The following PATZ1 variants were observed in gnomAD, a reference collection of about 807,000 sequenced individuals.
PATZ1 encodes the protein POZ-, AT hook-, and zinc finger-containing protein 1.
In PATZ1, 9 loss-of-function variants were observed where a neutral mutation model predicts 46.2. That is an observed-to-expected ratio of 0.19 (90% confidence interval 0.12 to 0.34). The LOEUF (loss-of-function observed/expected upper bound fraction) is 0.34. Ranked by LOEUF, PATZ1 falls within the 10% of genes least tolerant of loss-of-function variation. The pLI, the probability that PATZ1 is intolerant of heterozygous loss-of-function variation, is 1.00. For synonymous variants in PATZ1, 426 were observed against 378.6 expected, an observed-to-expected ratio of 1.13 and a Z score of -1.45; for missense variants, 632 against 923.0, an observed-to-expected ratio of 0.68 and a Z score of 4.08.
In PATZ1 at chr22:31,344,601, A is replaced by T. The variant is rs762905449; in HGVS notation, c.1002T>A (p.Asn334Lys). The change falls in exon 1 of 5, where the codon AAT becomes AAA. Residue 334 changes from asparagine (N) to lysine (K), a missense_variant. Physicochemically the swap from Asn to Lys is moderately conservative, Grantham distance 94 (BLOSUM62 0). Coordinates refer to ENST00000266269, the MANE Select transcript of PATZ1 (RefSeq NM_014323.3). The stretch of plus-strand genomic sequence containing the variant: ...CGGGGTCTTCAGAGATGGGTAGCCC[A>T]TTCTCACCCAGCCTCGGAGGAGGAA... ...IDLPPPRLGE[N>K]GLPISEDPDG... 115 of 1,613,980 alleles carry T rather than the reference A, an allele frequency of 7.1e-5. No homozygotes were observed. The highest frequency in any genetic ancestry group is 9.6e-5 in the Non-Finnish European group (113 of 1,180,040).
chr22:31,328,900 T>G lies in PATZ1; in HGVS notation c.1532A>C (p.Lys511Thr). ...NRGFSSASYL[K>T]VHVKTHHGVP... ...ACCGTGGTGGGTTTTAACATGGACCTTTAAGTAGGAGGCAGAGGAGAAACC... is the reference window on the plus strand; with the variant it reads ...ACCGTGGTGGGTTTTAACATGGACCGTTAAGTAGGAGGCAGAGGAGAAACC... Residue 511 changes from lysine to threonine, a missense_variant, in exon 4 of 5, where the codon AAG (lysine) becomes ACG (threonine). Lys to Thr is a moderately conservative substitution (Grantham distance 78). Transcript: ENST00000266269. This position sits in a 1 kb window ranked among gnomAD's most constrained non-coding sequence, Gnocchi z 4.8. 1 of 1,614,022 alleles carries G rather than the reference T, an allele frequency of 6.2e-7. No homozygotes were observed. Among genetic ancestry groups the G allele is most frequent in the Non-Finnish European group, 8.5e-7 (1 of 1,179,954 alleles).
rs141218464 is a variant in PATZ1, at chr22:31,328,646, G to A, written c.1645+141C>T. On this transcript the variant is annotated intron_variant, in intron 4 of 4. Transcript: ENST00000266269. This position sits in a 1 kb window ranked among gnomAD's most constrained non-coding sequence, Gnocchi z 4.8. Reference sequence around the variant, plus strand: ...GATACCCACTGTGACTTTTGTCCTGGAGGCCACTGCCACTCAGATCTCTGA... The same window carrying A: ...GATACCCACTGTGACTTTTGTCCTGAAGGCCACTGCCACTCAGATCTCTGA... The A allele has an allele frequency of 4.0e-5, 29 of 718,718 alleles. No individual in the cohort carries two copies. The South Asian group carries it at 4.5e-4, about 11-fold the overall frequency. The allele number at this position is 718,718 out of a possible 1,614,324, so 44.5% of individuals were successfully genotyped here.
At chr22:31,342,753 G>T in intron 2 of PATZ1, 144 bp downstream of exon 2, 1 of 767,474 alleles carries the variant, frequency 1.3e-6, no homozygotes, top group Non-Finnish European at 2.2e-6. Context: ...GAGAGCAGAG[G>T]GAGGGTGGAG....
intron 2 of PATZ1, 104 bp from the exon 3 acceptor site, chr22:31,335,967 A>C: frequency 2.0e-6 from 2 of 1,003,752 alleles, no homozygotes; most frequent in East Asian, 2.5e-5. Flanking sequence ...CCATCACATG[A>C]CCTCCCTTTA....
intron 2 of PATZ1, chr22:31,340,847 G>A: frequency 9.4e-7 from 1 of 1,062,232 alleles, no homozygotes; most frequent in Non-Finnish European, 1.1e-6. Flanking sequence ...TTTGGTTCCT[G>A]AGCAGACCTG....
rs1260313912 is a variant in PATZ1 at position 31,344,648 on chromosome 22, G to T, written c.955C>A (p.Leu319Ile). The T allele has an allele frequency of 2.5e-6, 4 of 1,614,038 alleles. No homozygotes were observed. Among genetic ancestry groups the T allele is most frequent in the African/African-American group, 2.7e-5 (2 of 75,072 alleles). Residue 319 changes from leucine (L) to isoleucine (I), a missense_variant, in exon 1 of 5, where the codon CTC becomes ATC. This residue lies in a region of PATZ1 where 279 missense variants were observed against 284.3 expected (regional missense o/e 0.98). Transcript: ENST00000266269. Reference protein sequence around the residue: ...QHEAQHGVTSLQLGYIDLPPP... With the variant: ...QHEAQHGVTSIQLGYIDLPPP... ...GGAAGGTCGATGTAGCCCAGCTGGA[G>T]GCTGGTGACACCGTGCTGGGCCTCG...
intron 2 of PATZ1, chr22:31,341,116 C>T: frequency 2.6e-6 from 3 of 1,137,584 alleles, no homozygotes; most frequent in Non-Finnish European, 3.2e-6. Flanking sequence ...AGGCACCAAC[C>T]TCCAAAATCA....
rs1403437449 is a variant in PATZ1, at chr22:31,344,553, C to T, written c.1050G>A (p.Arg350=). 6.2e-6 allele frequency: 10 copies of T among 1,614,082 alleles called. No individual in the cohort carries two copies. Among genetic ancestry groups the T allele is most frequent in the Non-Finnish European group, 8.5e-6 (10 of 1,180,034 alleles). Residue 350 remains arginine, a synonymous_variant, in exon 1 of 5, where the codon CGG becomes CGA. Coordinates refer to ENST00000266269, the MANE Select transcript of PATZ1 (RefSeq NM_014323.3). Reference sequence around the variant, plus strand: ...TCTCACAAGCCACCTGCTTCCTGGTCCGGCTCCTCTTTCGGGGGCCGTCGG... The same window carrying T: ...TCTCACAAGCCACCTGCTTCCTGGTTCGGCTCCTCTTTCGGGGGCCGTCGG... ...EDPDGPRKRS[R]TRKQVACEIC... is the part of the protein sequence containing the mutation.
intron 2 of PATZ1, chr22:31,340,962 T>C: frequency 1.9e-6 from 2 of 1,070,454 alleles, no homozygotes; most frequent in South Asian, 9.0e-5. Flanking sequence ...TGACTCTAGT[T>C]GGAATTGTGC....
intron 2 of PATZ1, among the ~76,000 whole-genome samples, chr22:31,340,060 G>A (rs1002294069): frequency 2.1e-4 from 32 of 152,092 alleles, no homozygotes; most frequent in African/African-American, 6.3e-4. Flanking sequence ...AGTGGAGCCC[G>A]TGGAAGCTAG....
At chr22:31,336,750 G>T (rs759676991) in intron 2 of PATZ1, among the ~76,000 whole-genome samples, 2 of 146,064 alleles carry the variant, frequency 1.4e-5, no homozygotes, top group Non-Finnish European at 3.0e-5. Flanking sequence ...AGGTTGCAGT[G>T]AGCCAAGATC....
chr22:31,342,705 G>A (rs2049597461), intron 2 of PATZ1, among the ~76,000 whole-genome samples, 192 bp downstream of exon 2: 1 of 152,196 alleles, frequency 6.6e-6, no homozygotes, highest in East Asian at 1.9e-4. Flanking sequence ...AGGAACGTCA[G>A]CTGTGGGGGA....
In PATZ1 at chr22:31,344,797, C is replaced by T; in HGVS notation, c.806G>A (p.Arg269His). The change falls in exon 1 of 5, where the codon CGC (arginine) becomes CAC (histidine). Residue 269 changes from arginine (R) to histidine (H), a missense_variant. Physicochemically the swap from Arg to His is conservative, Grantham distance 29. Around this residue, in one of 7 missense-constraint regions of PATZ1, gnomAD observed 279 missense variants for 284.3 expected, o/e 0.98. Transcript: ENST00000266269. ...GTCCAGCAGGTTGGCCTTCCTTGGG[C>T]GGCCCCGGCCTCGCTTGCCAGTCAG... The part of the protein sequence containing the change: ...PPLTGKRGRG[R>H]PRKANLLDSM... 1 of 1,608,430 alleles carries T rather than the reference C, an allele frequency of 6.2e-7. No homozygotes were observed.
At chr22:31,341,366 G>A (rs1417988055) in intron 2 of PATZ1, 1 of 1,517,588 alleles carries the variant, frequency 6.6e-7, no homozygotes, top group Non-Finnish European at 8.8e-7. Context: ...TGCCCCTCCT[G>A]TTCCCTTCCA....
At chr22:31,342,564 G>A (rs528167846) in intron 2 of PATZ1, among the ~76,000 whole-genome samples, 25 of 148,886 alleles carry the variant, frequency 1.7e-4, no homozygotes, top group East Asian at 9.7e-4. Flanking sequence ...GCGCAGTGCC[G>A]GGTCTCCCAA....
chr22:31,332,066 G>A (rs1012796253), intron 3 of PATZ1, among the ~76,000 whole-genome samples: 3 of 152,116 alleles, frequency 2.0e-5, no homozygotes, highest in East Asian at 1.9e-4. Flanking sequence ...AGCTGAGATC[G>A]CGCCATTGCA....
chr22:31,326,876 G>A lies in PATZ1; in HGVS notation c.*15C>T. 6.2e-7 allele frequency: 1 copy of A among 1,601,318 alleles called. No individual in the cohort carries two copies. The highest frequency in any genetic ancestry group is 8.5e-7 in the Non-Finnish European group (1 of 1,172,398). ...GTCCCCAGATGGTTGTTTCCGTGGG[G>A]ACACAGCAGCTGCCTCATTTCCCTT... On this transcript the variant is annotated 3_prime_UTR_variant, in exon 5 of 5. Transcript: ENST00000266269.
At chr22:31,344,262 G>C in intron 1 of PATZ1, 70 bp downstream of exon 1, 3 of 1,400,470 alleles carry the variant, frequency 2.1e-6, no homozygotes, top group African/African-American at 1.4e-5. Context: ...CACACCCCCA[G>C]ATCTTGGCAG....
At chr22:31,341,475 G>C in intron 2 of PATZ1, 1 of 1,611,704 alleles carries the variant, frequency 6.2e-7, no homozygotes, top group Non-Finnish European at 8.5e-7. Context: ...CAGATATCCC[G>C]GCGGGGCTGG....
Sources: gnomAD v4.1 joint callset for allele counts (sites outside exome capture counted in the v4.1 genomes callset) on GRCh38, gnomAD v4.1.1 for gene constraint, gnomAD v4.1.1 regional missense constraint, Gnocchi (gnomAD v3.1) non-coding constraint, MANE v1.5 for transcripts, NCBI Gene and HGNC (gene_info 2026-07-23, HGNC 2026-07-21) for gene names.